BACE1-AS: variants seen among roughly 807,000 people sequenced by gnomAD.
BACE1-AS encodes BACE1 antisense RNA (non-protein coding).
intron 1 of BACE1-AS, among the ~76,000 whole-genome samples, chr11:117,291,348 C>T (rs2034427922): frequency 6.6e-6 from 1 of 151,442 alleles, no homozygotes; most frequent in Admixed American, 6.6e-5. Context: ...GCAATCATGG[C>T]TCACCGCAAC....
intron 1 of BACE1-AS, among the ~76,000 whole-genome samples, chr11:117,291,381 G>A (rs1483875394): frequency 6.6e-6 from 1 of 151,824 alleles, no homozygotes; most frequent in East Asian, 1.9e-4. Context: ...GAGTTAAAGT[G>A]ATTCTCCTGT....
chr11:117,291,958 T>C, intron 2 of BACE1-AS: 1 of 543,258 alleles, frequency 1.8e-6, no homozygotes, highest in Non-Finnish European at 3.4e-6. Flanking sequence ...CAAGTTAACC[T>C]CTGTGCCTCA....
At chr11:117,291,696 T>C (rs1565356984) in intron 1 of BACE1-AS, 2 of 1,583,062 alleles carry the variant, frequency 1.3e-6, no homozygotes, top group Admixed American at 1.7e-5. Flanking sequence ...TTTACCCCCA[T>C]CCTTAGTCCA....
chr11:117,292,081 G>C (rs2054711764), intron 2 of BACE1-AS: 1 of 215,530 alleles, frequency 4.6e-6, no homozygotes, highest in African/African-American at 2.3e-5. Context: ...GCAGAGAGAA[G>C]GCACTTGGTA....
chr11:117,291,694 C>CA, intron 1 of BACE1-AS: 1 of 1,575,212 alleles, frequency 6.3e-7, no homozygotes, highest in Non-Finnish European at 8.7e-7. Flanking sequence ...CTTTTACCCC[C>CA]ATCCTTAGTC....
At chr11:117,291,725 T>A in exon 2 of BACE1-AS, 1 of 1,612,822 alleles carries the variant, frequency 6.2e-7, no homozygotes, top group Non-Finnish European at 8.5e-7. Context: ...GGAGGCTGCC[T>A]TGATGGATTT....
At chr11:117,291,937 A>G (rs2034451897) in intron 2 of BACE1-AS, 2 of 596,818 alleles carry the variant, frequency 3.4e-6, no homozygotes, top group Non-Finnish European at 6.2e-6. Context: ...TCCTAAGTGT[A>G]CCTGCTTGGA....
At chr11:117,291,697 C>T in intron 1 of BACE1-AS, 1 of 1,588,444 alleles carries the variant, frequency 6.3e-7, no homozygotes, top group Non-Finnish European at 8.6e-7. Flanking sequence ...TTACCCCCAT[C>T]CTTAGTCCAC....
intron 2 of BACE1-AS, chr11:117,292,131 C>T (rs1262082717): frequency 6.0e-6 from 1 of 167,294 alleles, no homozygotes. Flanking sequence ...CAGGTAGTCT[C>T]CAAACTTGAA....
At chr11:117,291,674 T>C (rs1244384656) in intron 1 of BACE1-AS, 1 of 1,454,850 alleles carries the variant, frequency 6.9e-7, no homozygotes, top group Admixed American at 1.7e-5. Context: ...CCTCTGACAC[T>C]GTACCATCTC....
At chr11:117,291,596 G>T in intron 1 of BACE1-AS, 2 of 730,344 alleles carry the variant, frequency 2.7e-6, no homozygotes, top group Non-Finnish European at 2.3e-6. Context: ...TGTTTTAAGA[G>T]CTCTGAGTAG....
exon 2 of BACE1-AS, chr11:117,291,731 G>A: frequency 1.2e-6 from 2 of 1,613,102 alleles, no homozygotes; most frequent in Non-Finnish European, 1.7e-6. Flanking sequence ...TGCCTTGATG[G>A]ATTTGACTGC....
chr11:117,291,757 C>A (rs761002162), exon 2 of BACE1-AS: 38 of 1,613,534 alleles, frequency 2.4e-5, no homozygotes, highest in Non-Finnish European at 2.9e-5. Context: ...CAAACACTTT[C>A]TTGGGCAAAC....
intron 1 of BACE1-AS, chr11:117,291,593 A>C: frequency 1.4e-6 from 1 of 710,722 alleles, no homozygotes; most frequent in South Asian, 1.8e-5. Flanking sequence ...GAGTGTTTTA[A>C]GAGCTCTGAG....
chr11:117,291,962 T>C, intron 2 of BACE1-AS: 1 of 536,008 alleles, frequency 1.9e-6, no homozygotes. Flanking sequence ...TTAACCTCTG[T>C]GCCTCAGTTC....
At chr11:117,291,379 G>T (rs903964477) in intron 1 of BACE1-AS, among the ~76,000 whole-genome samples, 2 of 151,686 alleles carry the variant, frequency 1.3e-5, no homozygotes, top group African/African-American at 2.4e-5. Context: ...CTGAGTTAAA[G>T]TGATTCTCCT....
chr11:117,291,756 T>C (rs753368313), exon 2 of BACE1-AS: 2 of 1,613,680 alleles, frequency 1.2e-6, no homozygotes, highest in East Asian at 2.2e-5. Context: ...TCAAACACTT[T>C]CTTGGGCAAA....
chr11:117,291,556 G>A (rs11604395), intron 1 of BACE1-AS: 10,645 of 543,198 alleles, frequency 0.02, 148 homozygotes, highest in Non-Finnish European at 0.028. Context: ...GATTACAGGC[G>A]TGAGCCACCA....
At chr11:117,292,139 G>T in intron 2 of BACE1-AS, 1 of 152,540 alleles carries the variant, frequency 6.6e-6, no homozygotes, top group Non-Finnish European at 1.4e-5. Context: ...CTCCAAACTT[G>T]AAAATAAAAA....
Sources: allele counts gnomAD v4.1 joint callset (sites outside exome capture counted in the v4.1 genomes callset), GRCh38; gene constraint gnomAD v4.1.1; transcripts MANE v1.5; gene names NCBI Gene and HGNC (gene_info 2026-07-23, HGNC 2026-07-21).